Variants in SIPA1L1 observed in about 807,000 individuals in gnomAD.
SIPA1L1 encodes signal-induced proliferation-associated 1-like protein 1.
Under a neutral mutation model 162.7 loss-of-function variants are expected in SIPA1L1, and 26 were observed. That is an observed-to-expected ratio of 0.16 (90% CI 0.12 to 0.22). The LOEUF is 0.22. Among genes scored for constraint, SIPA1L1 ranks in the 10% least tolerant of loss-of-function variants. The pLI is 1.00. For missense variants in SIPA1L1, 1,874 were observed against 2,241.0 expected, an observed-to-expected ratio of 0.84 and a Z score of 3.31; for synonymous variants, 829 against 837.4, an observed-to-expected ratio of 0.99 and a Z score of 0.17.
In SIPA1L1 at chr14:71,702,509, A is replaced by C. The variant is rs2082162535; in HGVS notation, c.3646+4A>C. On this transcript the variant is annotated splice_donor_region_variant and intron_variant, in intron 15 of 23. Transcript: ENST00000381232. ...GATAGCATTGCTGACCAGATGGGTAAGTAATCAATTTCTACAAGAAGAAAG... is the reference window on the plus strand; with the variant it reads ...GATAGCATTGCTGACCAGATGGGTACGTAATCAATTTCTACAAGAAGAAAG... 1 of 1,613,630 alleles carries C rather than the reference A, an allele frequency of 6.2e-7. No individual in the cohort carries two copies. Among genetic ancestry groups the C allele is most frequent in the Non-Finnish European group, 8.5e-7 (1 of 1,179,692 alleles).
chr14:71,350,642 G>A (rs770634378), intron 2 of SIPA1L1, among the ~76,000 whole-genome samples: 9 of 152,246 alleles, frequency 5.9e-5, no homozygotes, highest in Non-Finnish European at 1.2e-4. Context: ...ATCTGGGTCC[G>A]GGGACATAGG....
chr14:71,739,120 A>G lies in SIPA1L1; in HGVS notation c.5311A>G (p.Lys1771Glu). The G allele has an allele frequency of 2.5e-6, 4 of 1,614,074 alleles. No homozygotes were observed. The highest frequency in any genetic ancestry group is 3.4e-6 in the Non-Finnish European group (4 of 1,179,972). The change falls in exon 24 of 24, where the codon AAG (lysine) becomes GAG (glutamate). Residue 1771 changes from lysine (K) to glutamate (E), a missense_variant. Lys to Glu is a moderately conservative substitution (Grantham distance 56, BLOSUM62 1). Transcript: ENST00000381232. ...ESQNASDKLKKFTEWVFNTID... is the reference protein window; with the variant it reads ...ESQNASDKLKEFTEWVFNTID... ...CCAGAACGCCTCGGACAAGCTGAAGAAGTTCACAGAATGGGTCTTCAACAC... is the reference window on the plus strand; with the variant it reads ...CCAGAACGCCTCGGACAAGCTGAAGGAGTTCACAGAATGGGTCTTCAACAC...
chr14:71,527,223 C>G (rs908530484), intron 3 of SIPA1L1, among the ~76,000 whole-genome samples: 6 of 152,188 alleles, frequency 3.9e-5, no homozygotes, highest in African/African-American at 1.4e-4. Context: ...TTAGAGCTCA[C>G]TGAAGCCTCG....
chr14:71,457,534 T>C (rs1317095157), intron 2 of SIPA1L1, among the ~76,000 whole-genome samples: 2 of 151,302 alleles, frequency 1.3e-5, no homozygotes, highest in Non-Finnish European at 3.0e-5. Flanking sequence ...CCTGACCTTG[T>C]GATCTGCCTG....
chr14:71,392,684 C>T (rs1042893293), intron 2 of SIPA1L1, among the ~76,000 whole-genome samples: 7 of 152,154 alleles, frequency 4.6e-5, no homozygotes, highest in East Asian at 1.9e-4. Flanking sequence ...CCTGCCACCA[C>T]GCCCGGCTAA....
At chr14:71,424,680 TG>T (rs1483386220) in intron 2 of SIPA1L1, among the ~76,000 whole-genome samples, 1 of 152,124 alleles carries the variant, frequency 6.6e-6, no homozygotes, top group African/African-American at 2.4e-5. Context: ...GCCAATATTT[TG>T]TTGAGGATTT....
chr14:71,537,740 T>C (rs2145634164), intron 4 of SIPA1L1, among the ~76,000 whole-genome samples: 1 of 152,092 alleles, frequency 6.6e-6, no homozygotes, highest in East Asian at 1.9e-4. Context: ...TACTTTCTTC[T>C]AAGTGGAGGA....
intron 2 of SIPA1L1, among the ~76,000 whole-genome samples, chr14:71,500,047 G>A (rs1306369135): frequency 6.6e-6 from 1 of 152,034 alleles, no homozygotes; most frequent in East Asian, 1.9e-4. Flanking sequence ...GCTAATATTA[G>A]TTGAATTAGT....
At chr14:71,542,317 T>G in intron 4 of SIPA1L1, among the ~76,000 whole-genome samples, 1 of 139,886 alleles carries the variant, frequency 7.1e-6, no homozygotes, top group East Asian at 2.4e-4. Flanking sequence ...CCTCCTCCTC[T>G]TCCTCCTCTT....
intron 4 of SIPA1L1, among the ~76,000 whole-genome samples, chr14:71,561,391 A>C (rs879506445): frequency 3.3e-5 from 5 of 152,146 alleles, no homozygotes; most frequent in Admixed American, 3.3e-4. Context: ...ATGTCTTTTG[A>C]AACATTTAGC....
chr14:71,682,030 CT>C (rs2045855587), intron 12 of SIPA1L1, among the ~76,000 whole-genome samples: 1 of 152,170 alleles, frequency 6.6e-6, no homozygotes, highest in African/African-American at 2.4e-5. Context: ...TCGTTAATGG[CT>C]AAAATAAGAC....
intron 15 of SIPA1L1, among the ~76,000 whole-genome samples, chr14:71,703,490 C>T (rs956832766): frequency 6.6e-6 from 1 of 152,302 alleles, no homozygotes; most frequent in East Asian, 1.9e-4. Flanking sequence ...TGAAGATATG[C>T]TTTGTTCCAG....
intron 7 of SIPA1L1, among the ~76,000 whole-genome samples, chr14:71,646,073 A>G (rs768987150): frequency 3.9e-5 from 6 of 152,070 alleles, no homozygotes; most frequent in Non-Finnish European, 5.9e-5. Context: ...GAACTTGGTT[A>G]TTCACATCTC....
rs539303093 is a variant in SIPA1L1, at chr14:71,425,523, A to G, written c.-464-87220A>G. 2.6e-5 allele frequency among the ~76,000 whole-genome samples: 4 copies of G among 152,248 alleles called. No homozygotes were observed. The South Asian group carries it at 6.2e-4, about 24-fold the overall frequency. ...TCCTACAATTTTGTGTTTTGTGGAA[A>G]TAGTTTTACTTCTTATTAATTTCTA... On this transcript the variant is annotated intron_variant, in intron 2 of 23. Transcript: ENST00000381232.
At chr14:71,495,868 A>G (rs1333706955) in intron 2 of SIPA1L1, among the ~76,000 whole-genome samples, 134 of 135,894 alleles carry the variant, frequency 9.9e-4, no homozygotes, top group Middle Eastern at 4.0e-3. Context: ...TGGGTAACAT[A>G]GTGACACTCC....
At chr14:71,727,015 C>T (rs2084303709) in intron 19 of SIPA1L1, among the ~76,000 whole-genome samples, 1 of 152,122 alleles carries the variant, frequency 6.6e-6, no homozygotes, top group Non-Finnish European at 1.5e-5. Flanking sequence ...CCAGTGCTAC[C>T]TATGAGTTTT....
chr14:71,661,981 G>C (rs2043560595), intron 10 of SIPA1L1, among the ~76,000 whole-genome samples: 4 of 152,198 alleles, frequency 2.6e-5, no homozygotes, highest in African/African-American at 9.7e-5. Context: ...GTAGTCACAT[G>C]AGTATCAGAA....
intron 5 of SIPA1L1, among the ~76,000 whole-genome samples, chr14:71,598,969 C>T (rs1329632227): frequency 6.6e-6 from 1 of 151,940 alleles, no homozygotes; most frequent in South Asian, 2.1e-4. Context: ...ACCTACACAC[C>T]CTTCCTGGTC....
Position 71,645,219 on chromosome 14 carries a change from C to T in SIPA1L1, c.1819-5116C>T, listed in dbSNP as rs78929365. On this transcript the variant is annotated intron_variant, in intron 7 of 23. Transcript: ENST00000381232. ...TGTCTTTTTCTGATGATCATCTTGTCTTCCTCTTCCACTTTTAAGGACCTT... is the reference window on the plus strand; with the variant it reads ...TGTCTTTTTCTGATGATCATCTTGTTTTCCTCTTCCACTTTTAAGGACCTT... Among the ~76,000 whole-genome samples the T allele has an allele frequency of 5.7e-3, 871 of 152,294 alleles. 14 individuals are homozygous for T. Among genetic ancestry groups the T allele is most frequent in the African/African-American group, 0.02 (824 of 41,562 alleles).
Sources: allele counts gnomAD v4.1 joint callset (sites outside exome capture counted in the v4.1 genomes callset), GRCh38; gene constraint gnomAD v4.1.1; transcripts MANE v1.5; gene names NCBI Gene and HGNC (gene_info 2026-07-23, HGNC 2026-07-21).